The following XKR6 variants were observed in gnomAD, a reference collection of about 807,000 sequenced individuals.
XKR6 encodes XK-related protein 6.
A neutral mutation model predicts 56.7 loss-of-function variants in XKR6; 22 were observed. The ratio of observed to expected loss-of-function variants is 0.39; its 90% CI spans 0.28 to 0.55. The LOEUF is 0.55. Among genes scored for constraint, XKR6 ranks in the 20% least tolerant of loss-of-function variants. The probability of loss-of-function intolerance (pLI) is 0.66; values close to 1 mark genes in which losing one functional copy is unlikely to be tolerated. For synonymous variants in XKR6, 524 were observed against 387.8 expected, an observed-to-expected ratio of 1.35 and a Z score of -4.13; for missense variants, 852 against 889.0, an observed-to-expected ratio of 0.96 and a Z score of 0.53.
At chr8:11,057,655 C>G (rs772370535) in intron 1 of XKR6, among the ~76,000 whole-genome samples, 3 of 152,178 alleles carry the variant, frequency 2.0e-5, no homozygotes, top group Non-Finnish European at 2.9e-5. Context: ...AGGAAGGACC[C>G]AGGCTCCATT....
At chr8:11,172,051 T>C (rs1375170057) in intron 1 of XKR6, among the ~76,000 whole-genome samples, 2 of 142,648 alleles carry the variant, frequency 1.4e-5, no homozygotes, top group Admixed American at 7.1e-5. Context: ...AGATCCCCTG[T>C]CAAAAAATAA....
At chr8:11,122,542 C>T (rs1466193890) in intron 1 of XKR6, among the ~76,000 whole-genome samples, 1 of 152,204 alleles carries the variant, frequency 6.6e-6, no homozygotes, top group African/African-American at 2.4e-5. Context: ...GGTGCGTAAG[C>T]AGTGGCAGGT....
intron 2 of XKR6, among the ~76,000 whole-genome samples, chr8:10,903,976 A>G (rs1800114711): frequency 6.6e-6 from 1 of 152,182 alleles, no homozygotes; most frequent in Non-Finnish European, 1.5e-5. Context: ...TCAAAAGTCA[A>G]TGCGTTCTCC....
Position 11,012,079 on chromosome 8 carries a change from G to C in XKR6, c.765-87249C>G, listed in dbSNP as rs536142909. On this transcript the variant is annotated intron_variant, in intron 1 of 2. Coordinates refer to ENST00000416569, the MANE Select transcript of XKR6 (RefSeq NM_173683.4). ...GAAGAGGAGAATTTGGGACACAACA[G>C]GCAGGGCCTCGCAGTCCCCATCTAA... Among the ~76,000 whole-genome samples the C allele has an allele frequency of 3.9e-5, 6 of 152,330 alleles. No individual in the cohort carries two copies. The East Asian group carries it at 1.2e-3, about 29-fold the overall frequency.
At chr8:10,984,124 G>A (rs568885255) in intron 1 of XKR6, among the ~76,000 whole-genome samples, 1 of 152,140 alleles carries the variant, frequency 6.6e-6, no homozygotes, top group South Asian at 2.1e-4. Flanking sequence ...TTAGACAAAC[G>A]AGGCATGTAT....
intron 1 of XKR6, among the ~76,000 whole-genome samples, chr8:11,031,129 T>C (rs893932816): frequency 6.6e-6 from 1 of 152,192 alleles, no homozygotes; most frequent in Non-Finnish European, 1.5e-5. Context: ...TGGCTGCTAC[T>C]GATTGAACCA....
intron 1 of XKR6, among the ~76,000 whole-genome samples, chr8:11,155,125 G>A (rs1801454237): frequency 1.3e-5 from 2 of 152,190 alleles, no homozygotes; most frequent in South Asian, 4.1e-4. Context: ...TCTTGATACT[G>A]CATACTCCCA....
intron 1 of XKR6, chr8:11,035,313 C>T (rs933393185): frequency 7.5e-6 from 4 of 534,672 alleles, no homozygotes; most frequent in African/African-American, 1.9e-5. Context: ...CATCTTCCTG[C>T]GTTGTGGCAG....
chr8:10,990,480 G>A (rs1030047029), intron 1 of XKR6, among the ~76,000 whole-genome samples: 4 of 152,210 alleles, frequency 2.6e-5, no homozygotes, highest in Admixed American at 2.6e-4. Context: ...TACTGCCCAT[G>A]GTGCTGAAAA....
chr8:10,986,952 C>A (rs1191931866), intron 1 of XKR6, among the ~76,000 whole-genome samples: 1 of 150,040 alleles, frequency 6.7e-6, no homozygotes, highest in Non-Finnish European at 1.5e-5. Flanking sequence ...TTTTTTTTAA[C>A]ATTTAAATAG....
intron 1 of XKR6, among the ~76,000 whole-genome samples, chr8:11,156,039 C>T (rs886491110): frequency 2.0e-5 from 3 of 152,200 alleles, no homozygotes; most frequent in Non-Finnish European, 4.4e-5. Context: ...TATTTAAACA[C>T]ATTCAAGTCT....
chr8:11,183,188 C>A (rs1016875037), intron 1 of XKR6, among the ~76,000 whole-genome samples: 1 of 152,140 alleles, frequency 6.6e-6, no homozygotes, highest in African/African-American at 2.4e-5. Context: ...GTACAAATAT[C>A]TCCTTGAGAC....
chr8:11,101,507 GT>G (rs1248048041), intron 1 of XKR6, among the ~76,000 whole-genome samples: 1 of 152,144 alleles, frequency 6.6e-6, no homozygotes, highest in Admixed American at 6.5e-5. Context: ...ATAAAAAGTT[GT>G]CTGAATTTTG....
intron 1 of XKR6, among the ~76,000 whole-genome samples, chr8:11,090,816 C>T (rs1419392086): frequency 1.3e-5 from 2 of 152,160 alleles, no homozygotes; most frequent in African/African-American, 4.8e-5. Flanking sequence ...AAATATCTGC[C>T]TACCATCTGG....
At chr8:11,007,625 C>G (rs2129144816) in intron 1 of XKR6, among the ~76,000 whole-genome samples, 1 of 152,256 alleles carries the variant, frequency 6.6e-6, no homozygotes, top group African/African-American at 2.4e-5. Flanking sequence ...GTCAGCTCTT[C>G]CCTCTCAAAA....
At chr8:10,975,124 C>A (rs1802514752) in intron 1 of XKR6, among the ~76,000 whole-genome samples, 1 of 152,158 alleles carries the variant, frequency 6.6e-6, no homozygotes, top group African/African-American at 2.4e-5. Flanking sequence ...TGCCCTGATG[C>A]TCCCAGTACT....
intron 1 of XKR6, among the ~76,000 whole-genome samples, chr8:11,195,693 G>A (rs1440153330): frequency 6.8e-6 from 1 of 147,490 alleles, no homozygotes; most frequent in African/African-American, 2.5e-5. Context: ...CTGTCGCCCA[G>A]GCTGGAGTGC....
intron 1 of XKR6, among the ~76,000 whole-genome samples, chr8:11,127,647 T>C (rs1251495619): frequency 6.6e-6 from 1 of 152,152 alleles, no homozygotes; most frequent in East Asian, 1.9e-4. Flanking sequence ...TACCTCTCTC[T>C]TTCACTTAGG....
At chr8:11,189,886 G>A (rs993492637) in intron 1 of XKR6, among the ~76,000 whole-genome samples, 1 of 152,234 alleles carries the variant, frequency 6.6e-6, no homozygotes, top group African/African-American at 2.4e-5. Context: ...GACGGGTGCA[G>A]TGGCTCACGC....
Sources: gnomAD v4.1 joint callset for allele counts (sites outside exome capture counted in the v4.1 genomes callset) on GRCh38, gnomAD v4.1.1 for gene constraint, MANE v1.5 for transcripts, NCBI Gene and HGNC (gene_info 2026-07-23, HGNC 2026-07-21) for gene names.